The following KCNIP4 variants were observed in gnomAD, a reference collection of about 807,000 sequenced individuals.
The protein encoded by KCNIP4 is Kv channel-interacting protein 4.
KCNIP4 carries 12 observed loss-of-function variants against 34.0 expected under a neutral mutation model. The observed-to-expected ratio is 0.35, with a 90% CI of 0.23 to 0.57. The LOEUF is 0.57. KCNIP4 is among the 20% of genes least tolerant of loss of function. KCNIP4 has a pLI of 0.83. For synonymous variants in KCNIP4, 124 were observed against 102.2 expected (o/e 1.21, Z -1.29); for missense variants, 238 against 311.7 (o/e 0.76, Z 1.78).
intron 1 of KCNIP4, among the ~76,000 whole-genome samples, chr4:21,629,143 A>G (rs1039106340): frequency 6.6e-6 from 1 of 152,202 alleles, no homozygotes; most frequent in African/African-American, 2.4e-5. Flanking sequence ...AAGCAGTGCA[A>G]AGCAATGCAA....
At chr4:21,532,349 T>TA (rs5856640) in intron 1 of KCNIP4, among the ~76,000 whole-genome samples, 27 of 152,046 alleles carry the variant, frequency 1.8e-4, no homozygotes, top group Admixed American at 1.1e-3. Flanking sequence ...AAAACAATTC[T>TA]TGCAATCATC....
chr4:21,185,767 ACTGT>A (rs1467635383), intron 1 of KCNIP4, among the ~76,000 whole-genome samples: 4 of 152,154 alleles, frequency 2.6e-5, no homozygotes, highest in African/African-American at 9.7e-5. Context: ...TAGGATTTTA[ACTGT>A]CTTTTTATCC....
At chr4:20,770,489 C>T (rs1007885744) in intron 3 of KCNIP4, among the ~76,000 whole-genome samples, 4 of 147,212 alleles carry the variant, frequency 2.7e-5, no homozygotes, top group South Asian at 4.3e-4. Flanking sequence ...AAAAAAATAC[C>T]GAGTAAAGAA....
Position 21,309,884 on chromosome 4 carries a change from G to T in KCNIP4, c.62-427175C>A, listed in dbSNP as rs562558580. 1.4e-4 allele frequency among the ~76,000 whole-genome samples: 22 copies of T among 152,316 alleles called. No homozygotes were observed. In the South Asian group the frequency reaches 4.6e-3, roughly 32 times the overall value. On this transcript the variant is annotated intron_variant, in intron 1 of 8. Transcript: ENST00000382152. ...GGAAAGCTGACAGGCTCTAATGGTA[G>T]TGGCAGGTAGGGGAATCGAACTAAG...
intron 1 of KCNIP4, among the ~76,000 whole-genome samples, chr4:21,104,514 A>T (rs370389169): frequency 6.6e-6 from 1 of 152,024 alleles, no homozygotes; most frequent in African/African-American, 2.4e-5. Flanking sequence ...AGATGAGTAG[A>T]TTGCAAAAAT....
chr4:21,934,943 AT>A (rs1729771366), intron 1 of KCNIP4, among the ~76,000 whole-genome samples: 1 of 152,116 alleles, frequency 6.6e-6, no homozygotes, highest in African/African-American at 2.4e-5. Flanking sequence ...ATTGAACTCA[AT>A]GCTTTTGACC....
chr4:21,210,063 T>A (rs971770003), intron 1 of KCNIP4, among the ~76,000 whole-genome samples: 2 of 152,286 alleles, frequency 1.3e-5, no homozygotes, highest in African/African-American at 2.4e-5. Flanking sequence ...CACGGTGATT[T>A]AACATGGGAT....
intron 1 of KCNIP4, among the ~76,000 whole-genome samples, chr4:21,914,274 G>T (rs1466713180): frequency 6.6e-6 from 1 of 152,140 alleles, no homozygotes; most frequent in Non-Finnish European, 1.5e-5. Context: ...GGAGATCTGA[G>T]AGATATCAAG....
chr4:20,800,228 A>G (rs560919814), intron 3 of KCNIP4, among the ~76,000 whole-genome samples: 85 of 152,316 alleles, frequency 5.6e-4, no homozygotes, highest in African/African-American at 2.0e-3. Flanking sequence ...CTGGGCCCAC[A>G]CAGAACTACA....
chr4:20,870,544 G>GA (rs1324494042), intron 2 of KCNIP4, among the ~76,000 whole-genome samples: 1 of 152,048 alleles, frequency 6.6e-6, no homozygotes, highest in Non-Finnish European at 1.5e-5. Flanking sequence ...TCTGTCATTT[G>GA]AAAAAATCTT....
intron 1 of KCNIP4, among the ~76,000 whole-genome samples, chr4:21,924,497 G>A (rs1002429364): frequency 1.8e-4 from 28 of 152,094 alleles, no homozygotes; most frequent in African/African-American, 6.5e-4. Context: ...GTCCGTCTCG[G>A]CCTCCCAAAG....
intron 1 of KCNIP4, among the ~76,000 whole-genome samples, chr4:21,868,631 T>G (rs1560775261): frequency 6.6e-6 from 1 of 151,926 alleles, no homozygotes; most frequent in Non-Finnish European, 1.5e-5. Context: ...TGCTAACTAT[T>G]GTTACTGAAT....
chr4:21,326,266 TG>T (rs1217053753), intron 1 of KCNIP4, among the ~76,000 whole-genome samples: 3 of 149,826 alleles, frequency 2.0e-5, no homozygotes, highest in African/African-American at 7.4e-5. Flanking sequence ...TTTATACATC[TG>T]GGTGCTCTAG....
At chr4:21,609,082 T>C (rs1398416158) in intron 1 of KCNIP4, 1 of 152,176 alleles carries the variant, frequency 6.6e-6, no homozygotes, top group African/African-American at 2.4e-5. Flanking sequence ...TGGGAGAATT[T>C]AGTAAAAGTC....
At chr4:20,968,217 C>A (rs546830934) in intron 1 of KCNIP4, among the ~76,000 whole-genome samples, 2 of 152,208 alleles carry the variant, frequency 1.3e-5, no homozygotes, top group South Asian at 4.2e-4. Flanking sequence ...CAAATCAAAA[C>A]CACAATGAGA....
intron 2 of KCNIP4, among the ~76,000 whole-genome samples, chr4:20,864,987 A>G (rs552800550): frequency 1.3e-5 from 2 of 152,264 alleles, no homozygotes; most frequent in South Asian, 4.1e-4. Flanking sequence ...GAAGGAGCAT[A>G]CACTGGAAGG....
intron 5 of KCNIP4, among the ~76,000 whole-genome samples, chr4:20,745,109 G>T (rs1311576936): frequency 6.6e-6 from 1 of 152,190 alleles, no homozygotes; most frequent in African/African-American, 2.4e-5. Context: ...GAATCATGGA[G>T]CCAAGGAGCT....
chr4:21,055,258 C>G (rs1013272428), intron 1 of KCNIP4, among the ~76,000 whole-genome samples: 1 of 152,118 alleles, frequency 6.6e-6, no homozygotes, highest in Non-Finnish European at 1.5e-5. Context: ...ATCCAAAACA[C>G]TCATAACACT....
At chr4:20,764,687 C>CACAA (rs1309561547) in intron 3 of KCNIP4, among the ~76,000 whole-genome samples, 14 of 151,174 alleles carry the variant, frequency 9.3e-5, no homozygotes, top group Non-Finnish European at 1.6e-4. Context: ...ATTGGACACA[C>CACAA]ACACACACAC....
Sources: allele counts gnomAD v4.1 joint callset (sites outside exome capture counted in the v4.1 genomes callset), GRCh38; gene constraint gnomAD v4.1.1; transcripts MANE v1.5; gene names NCBI Gene and HGNC (gene_info 2026-07-23, HGNC 2026-07-21).